Variants in UGP2 observed in about 807,000 individuals in gnomAD.
UGP2 encodes UDP-glucose pyrophosphorylase 2, also known as UTP--glucose-1-phosphate uridylyltransferase.
A neutral mutation model predicts 49.0 loss-of-function variants in UGP2; 40 were observed. The observed-to-expected ratio is 0.82, with a 90% CI of 0.63 to 1.06. UGP2 has a LOEUF of 1.06. UGP2 is among the 50% of genes least tolerant of loss of function. The pLI, the probability that UGP2 is intolerant of heterozygous loss-of-function variation, is 0.00. For synonymous variants in UGP2, 225 were observed against 213.0 expected (o/e 1.06, Z -0.49); for missense variants, 460 against 603.5 (o/e 0.76, Z 2.49).
rs1455682851 is a variant in UGP2 at position 63,891,333 on chromosome 2, C to T, written c.*106C>T. The stretch of plus-strand genomic sequence containing the variant: ...TACTTTACTATGTTACTGTACCCTG[C>T]AGTGTTGATTTTTAAAATAGAGTTT... On this transcript the variant is annotated 3_prime_UTR_variant, in exon 10 of 10. Coordinates refer to ENST00000337130, the MANE Select transcript of UGP2 (RefSeq NM_006759.4). 1 of 832,084 alleles carries T rather than the reference C, an allele frequency of 1.2e-6. No homozygotes were observed. Among genetic ancestry groups the T allele is most frequent in the East Asian group, 2.9e-5 (1 of 34,794 alleles). The allele number at this position is 832,084 out of a possible 1,614,324, so 51.5% of individuals were successfully genotyped here. A position where few individuals can be genotyped will look rare whatever the true frequency, so the allele number is the denominator to read the frequency against.
At chr2:63,885,223 A>G (rs1261174409) in intron 5 of UGP2, among the ~76,000 whole-genome samples, 1 of 152,022 alleles carries the variant, frequency 6.6e-6, no homozygotes, top group Non-Finnish European at 1.5e-5. Context: ...AATGGGCAGT[A>G]TTTCCCAGAT....
intron 1 of UGP2, 73 bp downstream of exon 1, chr2:63,842,277 G>A: frequency 6.2e-7 from 1 of 1,608,530 alleles, no homozygotes; most frequent in Non-Finnish European, 8.5e-7. Flanking sequence ...GAGGTTGGTG[G>A]GTGGTTTGGA....
At chr2:63,847,096 A>G (rs1461216895) in intron 1 of UGP2, among the ~76,000 whole-genome samples, 1 of 152,214 alleles carries the variant, frequency 6.6e-6, no homozygotes, top group Non-Finnish European at 1.5e-5. Flanking sequence ...GATGATTTTC[A>G]TTTGTGAAAG....
At chr2:63,884,539 C>A (rs1159475842) in intron 5 of UGP2, among the ~76,000 whole-genome samples, 1 of 151,988 alleles carries the variant, frequency 6.6e-6, no homozygotes, top group Admixed American at 6.6e-5. Context: ...ATGATGAATT[C>A]TGATTGAAGG....
chr2:63,862,442 A>C (rs1669913848), intron 3 of UGP2, among the ~76,000 whole-genome samples: 2 of 152,106 alleles, frequency 1.3e-5, no homozygotes, highest in South Asian at 4.1e-4. Flanking sequence ...ACCTTCCTTC[A>C]CATTCCTTCG....
rs976456996 is a variant in UGP2, at chr2:63,861,524, A to T, written c.255+3588A>T. Among the ~76,000 whole-genome samples the T allele has an allele frequency of 1.2e-4, 17 of 147,150 alleles. No individual in the cohort carries two copies. In the East Asian group the frequency reaches 1.6e-3, roughly 14 times the overall value. On this transcript the variant is annotated intron_variant, in intron 3 of 9. Transcript: ENST00000337130. The stretch of plus-strand genomic sequence containing the variant: ...GGCAACATAGACCTCACCTCTACAA[A>T]TTTTTTTTTTTTAGTTAGCTGTGCA...
At chr2:63,861,830 ATG>A (rs538305342) in intron 3 of UGP2, among the ~76,000 whole-genome samples, 273 of 152,208 alleles carry the variant, frequency 1.8e-3, no homozygotes, top group South Asian at 2.3e-3. Context: ...GCATGCATCA[ATG>A]TGGTATTTAG....
intron 3 of UGP2, among the ~76,000 whole-genome samples, chr2:63,874,768 G>A (rs1403004303): frequency 6.6e-6 from 1 of 150,412 alleles, no homozygotes; most frequent in East Asian, 2.0e-4. Context: ...AGTGAGAACT[G>A]ATTGTTTAAA....
chr2:63,869,623 A>G (rs1351024265), intron 3 of UGP2, among the ~76,000 whole-genome samples: 1 of 152,188 alleles, frequency 6.6e-6, no homozygotes, highest in East Asian at 1.9e-4. Context: ...TGGCTCACAA[A>G]TACGTGGTTT....
intron 2 of UGP2, 126 bp from the exon 3 acceptor site, chr2:63,857,703 T>C (rs569955579): frequency 3.2e-5 from 32 of 1,011,708 alleles, no homozygotes; most frequent in Non-Finnish European, 4.3e-5. Flanking sequence ...TCTTGCTCCC[T>C]CCATGTCCTA....
At chr2:63,862,614 C>A (rs6732746) in intron 3 of UGP2, among the ~76,000 whole-genome samples, 126,253 of 152,076 alleles carry the variant, frequency 0.83, 52,575 homozygotes, top group East Asian at 0.92. Flanking sequence ...GATAGACTCC[C>A]GGTTTTATTG....
chr2:63,852,067 A>G (rs1669080825), intron 1 of UGP2, among the ~76,000 whole-genome samples: 1 of 152,196 alleles, frequency 6.6e-6, no homozygotes, highest in Admixed American at 6.5e-5. Flanking sequence ...ATCATATTAC[A>G]TTTTATGCTT....
At chr2:63,880,933 T>C (rs958005068) in intron 3 of UGP2, among the ~76,000 whole-genome samples, 3 of 152,126 alleles carry the variant, frequency 2.0e-5, no homozygotes, top group African/African-American at 7.2e-5. Flanking sequence ...AACCAGCCCT[T>C]ATTTTGGTTC....
At chr2:63,864,657 T>A (rs1383674413) in intron 3 of UGP2, among the ~76,000 whole-genome samples, 1 of 152,178 alleles carries the variant, frequency 6.6e-6, no homozygotes, top group Non-Finnish European at 1.5e-5. Flanking sequence ...TCCTAATCAC[T>A]ATGATGTATT....
At position 63,890,136 on chromosome 2, in the gene UGP2, AC is replaced by A; in HGVS notation, c.1372del (p.Leu458SerfsTer7). 6.2e-7 allele frequency: 1 copy of A among 1,612,606 alleles called. No individual in the cohort carries two copies. Among genetic ancestry groups the A allele is most frequent in the Non-Finnish European group, 8.5e-7 (1 of 1,179,550 alleles). On this transcript the variant is annotated frameshift_variant, in exon 9 of 10. Coordinates refer to ENST00000337130, the MANE Select transcript of UGP2 (RefSeq NM_006759.4). LOFTEE classifies it high-confidence loss of function. Reference protein sequence around the residue: ...ESIPDMLELDHLTVSGDVTFG... With the variant: ...ESIPDMLELDXLTVSGDVTFG... The stretch of plus-strand genomic sequence containing the variant: ...ATACCAGATATGCTTGAATTGGATC[AC>A]CTCACAGTTTCAGGAGATGTGACAT...
intron 2 of UGP2, 100 bp from the exon 3 acceptor site, chr2:63,857,729 C>A (rs1034078692): frequency 3.2e-6 from 4 of 1,233,292 alleles, no homozygotes; most frequent in African/African-American, 1.5e-5. Context: ...GTAAGAATTT[C>A]ATTTAACGAT....
At chr2:63,888,788 T>C (rs900359467) in intron 8 of UGP2, 1 of 152,236 alleles carries the variant, frequency 6.6e-6, no homozygotes, top group African/African-American at 2.4e-5. Flanking sequence ...CAATCCTTTT[T>C]TTCCCCTCAT....
intron 3 of UGP2, among the ~76,000 whole-genome samples, chr2:63,878,534 A>G (rs528210143): frequency 1.8e-4 from 27 of 152,352 alleles, no homozygotes; most frequent in Middle Eastern, 3.4e-3. Flanking sequence ...ACTAAAATTT[A>G]TAATAAAACT....
intron 3 of UGP2, among the ~76,000 whole-genome samples, chr2:63,874,838 A>G (rs2104331763): frequency 1.3e-5 from 2 of 151,546 alleles, no homozygotes; most frequent in South Asian, 4.2e-4. Context: ...TGTGATCTCT[A>G]CAAACCAGCT....
Sources: allele counts gnomAD v4.1 joint callset (sites outside exome capture counted in the v4.1 genomes callset), GRCh38; gene constraint gnomAD v4.1.1; transcripts MANE v1.5; gene names NCBI Gene and HGNC (gene_info 2026-07-23, HGNC 2026-07-21).